Variants in MED1 observed in about 807,000 individuals in gnomAD.
The protein encoded by MED1 is mediator complex subunit 1, also known as mediator of RNA polymerase II transcription subunit 1.
MED1 carries 17 observed loss-of-function variants against 121.3 expected under a neutral mutation model. That is an observed-to-expected ratio of 0.14 (90% CI 0.10 to 0.21). The LOEUF is 0.21. MED1 is among the 10% of genes least tolerant of loss of function. MED1 has a pLI of 1.00. For missense variants in MED1, 1,558 were observed against 1,919.4 expected, an observed-to-expected ratio of 0.81 and a Z score of 3.52; for synonymous variants, 661 against 694.4, an observed-to-expected ratio of 0.95 and a Z score of 0.76.
intron 1 of MED1, 131 bp downstream of exon 1, chr17:39,450,907 C>T: frequency 2.7e-6 from 2 of 728,710 alleles, no homozygotes; most frequent in South Asian, 3.9e-5. Flanking sequence ...CAATCTAAAA[C>T]TAATACACAT....
At chr17:39,443,244 C>A (rs1285426928) in intron 3 of MED1, among the ~76,000 whole-genome samples, 1 of 151,960 alleles carries the variant, frequency 6.6e-6, no homozygotes. Flanking sequence ...TTGTGATCCG[C>A]CCACCTCAGC....
chr17:39,448,369 CA>C (rs1016148899), intron 1 of MED1, among the ~76,000 whole-genome samples: 95 of 138,622 alleles, frequency 6.9e-4, no homozygotes, highest in Admixed American at 5.9e-4. Flanking sequence ...AACACTGTCT[CA>C]AAAAAAAAAA....
rs1012270908 is a variant in MED1, at chr17:39,440,605, T to C, written c.266+18A>G. ...TAACACTAAGTTAAACATTTCTGCC[T>C]ACAGAAAGACTACTTACCCATTCTG... On this transcript the variant is annotated intron_variant, in intron 4 of 16. Transcript: ENST00000300651. This position sits in a 1 kb window ranked among gnomAD's most constrained non-coding sequence, Gnocchi z 4.1. 2 of 1,611,714 alleles carry C rather than the reference T, an allele frequency of 1.2e-6. No individual in the cohort carries two copies. The highest frequency in any genetic ancestry group is 2.7e-5 in the African/African-American group (2 of 74,854).
At position 39,440,323 on chromosome 17, in the gene MED1, A is replaced by T; in HGVS notation, c.399+63T>A. 6.8e-7 allele frequency: 1 copy of T among 1,475,934 alleles called. No individual in the cohort carries two copies. The highest frequency in any genetic ancestry group is 9.0e-7 in the Non-Finnish European group (1 of 1,111,608). 91.4% of individuals were successfully genotyped at this position (1,475,934 alleles called of 1,614,324 possible). A position where few individuals can be genotyped will look rare whatever the true frequency, so the allele number is the denominator to read the frequency against. ...CAAGCTATTTAAACCCCAACAATTA[A>T]TTTTAAAATTAATGTCCCTAAGTAA... On this transcript the variant is annotated intron_variant, in intron 5 of 16. Coordinates refer to ENST00000300651, the MANE Select transcript of MED1 (RefSeq NM_004774.4). This position sits in a 1 kb window ranked among gnomAD's most constrained non-coding sequence, Gnocchi z 4.1.
chr17:39,441,765 C>T (rs958390435), intron 3 of MED1, among the ~76,000 whole-genome samples: 3 of 151,770 alleles, frequency 2.0e-5, no homozygotes, highest in African/African-American at 7.3e-5. Flanking sequence ...CACAGCGACA[C>T]TCTGTCTCAA....
intron 13 of MED1, 130 bp from the exon 14 acceptor site, chr17:39,420,048 ATAT>A: frequency 2.9e-6 from 2 of 686,178 alleles, no homozygotes; most frequent in Non-Finnish European, 4.9e-6. Flanking sequence ...TCATCAGCTG[ATAT>A]TATAAATGTC....
Position 39,407,066 on chromosome 17 carries a change from A to C in MED1, c.*409T>G. ...GCATCAAGGAATGTATTGCTTTTTC[A>C]TTTTCTGCCCAGCCCTTCATATACA... On this transcript the variant is annotated 3_prime_UTR_variant, in exon 17 of 17. Coordinates refer to ENST00000300651, the MANE Select transcript of MED1 (RefSeq NM_004774.4). The C allele has an allele frequency of 1.0e-6, 1 of 990,422 alleles. No individual in the cohort carries two copies. Among genetic ancestry groups the C allele is most frequent in the Non-Finnish European group, 1.2e-6 (1 of 833,142 alleles). 61.4% of individuals were successfully genotyped at this position (990,422 alleles called of 1,614,324 possible).
intron 6 of MED1, among the ~76,000 whole-genome samples, chr17:39,437,221 C>T (rs974958750): frequency 4.6e-5 from 7 of 152,100 alleles, no homozygotes; most frequent in Admixed American, 2.0e-4. Flanking sequence ...CATGAGCCAT[C>T]GCGCCTGGCC....
chr17:39,424,815 A>G, intron 10 of MED1, 77 bp from the exon 11 acceptor site: 7 of 830,742 alleles, frequency 8.4e-6, no homozygotes, highest in Non-Finnish European at 1.4e-5. Context: ...TAAGAGGTTA[A>G]TTTTTGCAAT....
At chr17:39,415,194 A>G in intron 15 of MED1, 50 bp downstream of exon 15, 1 of 1,609,250 alleles carries the variant, frequency 6.2e-7, no homozygotes, top group Non-Finnish European at 8.5e-7. Context: ...CAAAAAAGAC[A>G]TAGGGACCAA....
rs2048305987 is a variant in MED1 at position 39,406,633 on chromosome 17, CTA to C, written c.*840_*841del. 1 of 984,172 alleles carries C rather than the reference CTA, an allele frequency of 1.0e-6. No homozygotes were observed. Among genetic ancestry groups the C allele is most frequent in the Non-Finnish European group, 1.2e-6 (1 of 829,348 alleles). The allele number at this position is 984,172 out of a possible 1,614,324, so 61.0% of individuals were successfully genotyped here. ...CACAGAGAGGTAACTCCTAATATTC[CTA>C]TGATCTCTGAACCCTATTTAAACCC... On this transcript the variant is annotated 3_prime_UTR_variant, in exon 17 of 17. Coordinates refer to ENST00000300651, the MANE Select transcript of MED1 (RefSeq NM_004774.4).
intron 6 of MED1, among the ~76,000 whole-genome samples, chr17:39,437,304 T>C (rs2048629333): frequency 6.6e-6 from 1 of 152,142 alleles, no homozygotes. Flanking sequence ...TCTTGAACTC[T>C]TGGCCTCAAG....
intron 7 of MED1, among the ~76,000 whole-genome samples, chr17:39,432,342 C>CAAAA (rs36069735): frequency 1.1e-4 from 9 of 80,906 alleles, no homozygotes; most frequent in South Asian, 4.8e-4. Context: ...GATTCCATCT[C>CAAAA]AAAAAAAAAA....
Position 39,415,149 on chromosome 17 carries a change from T to C in MED1, c.1394-18A>G, listed in dbSNP as rs1260191979. The C allele has an allele frequency of 1.2e-6, 2 of 1,611,876 alleles. No homozygotes were observed. The highest frequency in any genetic ancestry group is 1.1e-5 in the South Asian group (1 of 91,042). On this transcript the variant is annotated intron_variant, in intron 15 of 16. Coordinates refer to ENST00000300651, the MANE Select transcript of MED1 (RefSeq NM_004774.4). Reference sequence around the variant, plus strand: ...CATTACCACTGAAAGACAAAATACATAGGAAATTGTTTTAGATTTAGCTTC... The same window carrying C: ...CATTACCACTGAAAGACAAAATACACAGGAAATTGTTTTAGATTTAGCTTC...
chr17:39,434,246 T>C lies in MED1; in HGVS notation c.500+3A>G. 1 of 1,529,620 alleles carries C rather than the reference T, an allele frequency of 6.5e-7. No individual in the cohort carries two copies. The highest frequency in any genetic ancestry group is 8.8e-7 in the Non-Finnish European group (1 of 1,135,040). The allele number at this position is 1,529,620 out of a possible 1,614,324, so 94.8% of individuals were successfully genotyped here. On this transcript the variant is annotated splice_donor_region_variant and intron_variant, in intron 7 of 16. Coordinates refer to ENST00000300651, the MANE Select transcript of MED1 (RefSeq NM_004774.4). ...CAAAAGCAAAAATATTAAAAATACT[T>C]ACTTGTCCCCTGGAAGGTTATACAG...
chr17:39,433,047 TG>T (rs1014431355), intron 7 of MED1, among the ~76,000 whole-genome samples: 4 of 151,604 alleles, frequency 2.6e-5, no homozygotes, highest in Non-Finnish European at 5.9e-5. Flanking sequence ...CTACTAAAAA[TG>T]CAAAACTTAG....
intron 6 of MED1, among the ~76,000 whole-genome samples, chr17:39,438,139 A>T (rs535026207): frequency 4.6e-5 from 7 of 151,222 alleles, no homozygotes; most frequent in Middle Eastern, 6.8e-3. Context: ...GGAGTTCAAG[A>T]TCAGCCTGGC....
chr17:39,407,326 C>G lies in MED1; in HGVS notation c.*149G>C, dbSNP rs186328285. On this transcript the variant is annotated 3_prime_UTR_variant, in exon 17 of 17. Coordinates refer to ENST00000300651, the MANE Select transcript of MED1 (RefSeq NM_004774.4). ...TTTAATAGGGTCTGGATATGCCTTT[C>G]TAATTCACCCAGCTTGATGTCAAAG... is the stretch of plus-strand genomic sequence containing the variant. 218 of 1,409,218 alleles carry G rather than the reference C, an allele frequency of 1.5e-4. 1 individual carries two copies. In the Admixed American group the frequency reaches 2.2e-3, roughly 14 times the overall value. The allele number at this position is 1,409,218 out of a possible 1,614,324, so 87.3% of individuals were successfully genotyped here. A position where few individuals can be genotyped will look rare whatever the true frequency, so the allele number is the denominator to read the frequency against.
At position 39,410,239 on chromosome 17, in the gene MED1, T is replaced by C; in HGVS notation, c.1982A>G (p.Tyr661Cys). The change falls in exon 17 of 17, where the codon TAT becomes TGT. Residue 661 changes from tyrosine to cysteine, a missense_variant. By Grantham distance (194) the Tyr-to-Cys change is radical (BLOSUM62 -2). This residue lies in a region of MED1 where 793 missense variants were observed against 898.2 expected (regional missense o/e 0.88). Transcript: ENST00000300651. ...CTGCCTTTCTAAAGGGCTGCTTCCA[T>C]AAAGGGTTGAGAAATCCTGGGCAGG... is the stretch of plus-strand genomic sequence containing the variant. ...DNPAQDFSTL[Y>C]GSSPLERQNS... 1.2e-6 allele frequency: 2 copies of C among 1,613,958 alleles called. No homozygotes were observed. The highest frequency in any genetic ancestry group is 1.7e-6 in the Non-Finnish European group (2 of 1,180,000).
Sources: allele counts gnomAD v4.1 joint callset (sites outside exome capture counted in the v4.1 genomes callset), GRCh38; gene constraint gnomAD v4.1.1; regional missense constraint gnomAD v4.1.1; non-coding constraint Gnocchi (gnomAD v3.1); transcripts MANE v1.5; gene names NCBI Gene and HGNC (gene_info 2026-07-23, HGNC 2026-07-21).